The following LPP variants were observed in gnomAD, a reference collection of about 807,000 sequenced individuals.
LPP encodes the protein LIM domain containing preferred translocation partner in lipoma.
In LPP, 38 loss-of-function variants were observed where a neutral mutation model predicts 60.4. The observed-to-expected ratio is 0.63, with a 90% CI of 0.49 to 0.83. The LOEUF (loss-of-function observed/expected upper bound fraction) is 0.83, where lower values mean the gene tolerates loss of function less well. LPP is among the 40% of genes least tolerant of loss of function. The pLI is 0.00. For missense variants in LPP, 902 were observed against 783.6 expected (o/e 1.15, Z -1.80); for synonymous variants, 328 against 290.8 (o/e 1.13, Z -1.30).
chr3:188,461,895 C>A (rs1291240905), intron 4 of LPP, among the ~76,000 whole-genome samples: 2 of 152,122 alleles, frequency 1.3e-5, no homozygotes, highest in African/African-American at 2.4e-5. Context: ...ACACCCATTT[C>A]TTCACTCATA....
At chr3:188,239,432 C>T (rs767034348) in intron 2 of LPP, among the ~76,000 whole-genome samples, 24 of 152,152 alleles carry the variant, frequency 1.6e-4, no homozygotes, top group Non-Finnish European at 3.2e-4. Flanking sequence ...GTCGATTACA[C>T]GGCTGAAAGG....
At chr3:188,396,913 A>G (rs1459344942) in intron 3 of LPP, among the ~76,000 whole-genome samples, 1 of 152,196 alleles carries the variant, frequency 6.6e-6, no homozygotes, top group Non-Finnish European at 1.5e-5. Flanking sequence ...GGTCATCATT[A>G]GTTGCTTATT....
chr3:188,495,961 A>G lies in LPP; in HGVS notation c.306+11257A>G, dbSNP rs73054735. On this transcript the variant is annotated intron_variant, in intron 5 of 11. Transcript: ENST00000617246. ...TAGCTGATTTCACTTGATCCATTCA[A>G]AAGTCAAGCATTTTTGTACTCTTAC... Among the ~76,000 whole-genome samples the G allele has an allele frequency of 8.6e-3, 1,312 of 152,324 alleles. 18 individuals carry two copies. The highest frequency in any genetic ancestry group is 0.03 in the African/African-American group (1,267 of 41,568).
chr3:188,460,525 CG>C (rs1798743371), intron 4 of LPP, among the ~76,000 whole-genome samples: 2 of 152,102 alleles, frequency 1.3e-5, no homozygotes, highest in South Asian at 2.1e-4. Context: ...TAATCTTTTG[CG>C]GCCATTATCA....
At chr3:188,772,521 G>A (rs1736382040) in intron 9 of LPP, among the ~76,000 whole-genome samples, 2 of 151,608 alleles carry the variant, frequency 1.3e-5, no homozygotes, top group Non-Finnish European at 2.9e-5. Context: ...TTGAGACAGA[G>A]TCTCACTCTG....
intron 7 of LPP, among the ~76,000 whole-genome samples, chr3:188,672,960 G>GTT (rs948999058): frequency 8.4e-5 from 12 of 142,666 alleles, no homozygotes; most frequent in African/African-American, 2.0e-4. Context: ...TTCTTTTATT[G>GTT]TTTTTTTTTT....
chr3:188,775,952 A>C, intron 9 of LPP, among the ~76,000 whole-genome samples: 1 of 152,252 alleles, frequency 6.6e-6, no homozygotes, highest in East Asian at 1.9e-4. Flanking sequence ...GTGTTTAAAC[A>C]CATGTCCATT....
At chr3:188,453,291 A>G (rs1426635773) in intron 4 of LPP, among the ~76,000 whole-genome samples, 1 of 152,066 alleles carries the variant, frequency 6.6e-6, no homozygotes, top group African/African-American at 2.4e-5. Flanking sequence ...GGACGCCTTT[A>G]TCTGTAGGAC....
At chr3:188,255,217 G>A (rs906186683) in intron 2 of LPP, among the ~76,000 whole-genome samples, 8 of 152,170 alleles carry the variant, frequency 5.3e-5, no homozygotes, top group African/African-American at 1.9e-4. Flanking sequence ...TGAAGACTCT[G>A]CTGGATGCTT....
At chr3:188,342,804 T>C (rs1763392182) in intron 3 of LPP, among the ~76,000 whole-genome samples, 1 of 152,262 alleles carries the variant, frequency 6.6e-6, no homozygotes, top group African/African-American at 2.4e-5. Context: ...TAATATCATA[T>C]ATATATAATA....
intron 8 of LPP, among the ~76,000 whole-genome samples, chr3:188,730,976 C>G (rs983472087): frequency 2.0e-5 from 3 of 152,138 alleles, no homozygotes; most frequent in Non-Finnish European, 4.4e-5. Flanking sequence ...TGGTAAGGAC[C>G]TACTTGATTA....
intron 1 of LPP, among the ~76,000 whole-genome samples, chr3:188,173,960 T>C (rs925914406): frequency 6.6e-6 from 1 of 152,226 alleles, no homozygotes; most frequent in African/African-American, 2.4e-5. Flanking sequence ...TAAAGTGGGT[T>C]CACTGATCAG....
chr3:188,877,209 T>C lies in LPP; in HGVS notation c.*2730T>C, dbSNP rs915424801. The C allele has an allele frequency of 1.1e-5, 2 of 175,956 alleles. No individual in the cohort carries two copies. The highest frequency in any genetic ancestry group is 2.4e-5 in the African/African-American group (1 of 42,248). 10.9% of individuals were successfully genotyped at this position (175,956 alleles called of 1,614,324 possible). On this transcript the variant is annotated 3_prime_UTR_variant, in exon 12 of 12. Transcript: ENST00000617246. ...GCCAAGTCACTCTTTTTTAGTTGCA[T>C]GAAATTTTGCCTGCAACAGAGAGAA...
intron 6 of LPP, among the ~76,000 whole-genome samples, chr3:188,534,199 A>G (rs1295561406): frequency 6.6e-6 from 1 of 152,148 alleles, no homozygotes; most frequent in Non-Finnish European, 1.5e-5. Context: ...AAAGCATGGG[A>G]GGGGGTTGTC....
At chr3:188,677,909 A>G (rs1365901876) in intron 7 of LPP, among the ~76,000 whole-genome samples, 4 of 152,054 alleles carry the variant, frequency 2.6e-5, no homozygotes, top group South Asian at 2.1e-4. Context: ...GTAGCTTGAC[A>G]ATTTGGAAAT....
chr3:188,852,142 G>A (rs1762813643), intron 9 of LPP, among the ~76,000 whole-genome samples: 1 of 152,090 alleles, frequency 6.6e-6, no homozygotes, highest in African/African-American at 2.4e-5. Flanking sequence ...CCAGTCTGGG[G>A]GACAGAGTGA....
At chr3:188,384,457 G>A (rs1325943834) in intron 3 of LPP, among the ~76,000 whole-genome samples, 1 of 151,964 alleles carries the variant, frequency 6.6e-6, no homozygotes, top group Admixed American at 6.6e-5. Flanking sequence ...TATTTACGAA[G>A]GGACTCAAAC....
Position 188,877,259 on chromosome 3 carries a change from A to G in LPP, c.*2780A>G, listed in dbSNP as rs938442444. On this transcript the variant is annotated 3_prime_UTR_variant, in exon 12 of 12. Transcript: ENST00000617246. ...AAAAGATTGTATTACTTTAATGATT[A>G]TAATCATACTGTCTGCTGATATAAT... is the stretch of plus-strand genomic sequence containing the variant. The G allele has an allele frequency of 5.6e-6, 1 of 177,124 alleles. No homozygotes were observed. The highest frequency in any genetic ancestry group is 9.5e-5 in the East Asian group (1 of 10,492). 11.0% of individuals were successfully genotyped at this position (177,124 alleles called of 1,614,324 possible).
In LPP at chr3:188,836,171, G is replaced by A. The variant is rs74286944; in HGVS notation, c.1411-30029G>A. Among the ~76,000 whole-genome samples, 48 of 152,232 alleles carry A rather than the reference G, an allele frequency of 3.2e-4. No individual in the cohort carries two copies. The East Asian group carries it at 7.1e-3, about 23-fold the overall frequency. On this transcript the variant is annotated intron_variant, in intron 9 of 11. Transcript: ENST00000617246. The stretch of plus-strand genomic sequence containing the variant: ...AGAAGACAGTAATGAAAAATGTATC[G>A]ACTGCCAGCCCACTGTTTTTATTTC...
Sources: allele counts gnomAD v4.1 joint callset (sites outside exome capture counted in the v4.1 genomes callset), GRCh38; gene constraint gnomAD v4.1.1; transcripts MANE v1.5; gene names NCBI Gene and HGNC (gene_info 2026-07-23, HGNC 2026-07-21).